Variants in PLCE1 observed in about 807,000 individuals in gnomAD.
PLCE1 encodes the protein phospholipase C epsilon 1, also known as 1-phosphatidylinositol 4,5-bisphosphate phosphodiesterase epsilon-1.
In PLCE1, 119 loss-of-function variants were observed where a neutral mutation model predicts 242.8. The observed-to-expected ratio is 0.49, with a 90% CI of 0.42 to 0.57. The LOEUF is 0.57. Ranked by LOEUF, PLCE1 falls within the 20% of genes least tolerant of loss-of-function variation. The pLI is 0.00. For synonymous variants in PLCE1, 945 were observed against 1,017.4 expected (o/e 0.93, Z 1.35); for missense variants, 2,441 against 2,788.8 (o/e 0.88, Z 2.81).
At chr10:94,168,010 T>C (rs2047861859) in intron 3 of PLCE1, among the ~76,000 whole-genome samples, 1 of 152,054 alleles carries the variant, frequency 6.6e-6, no homozygotes, top group Non-Finnish European at 1.5e-5. Context: ...AACTGAAGAA[T>C]ATGGGACTGA....
At chr10:94,180,927 A>C (rs953900318) in intron 4 of PLCE1, among the ~76,000 whole-genome samples, 1 of 152,214 alleles carries the variant, frequency 6.6e-6, no homozygotes, top group Non-Finnish European at 1.5e-5. Flanking sequence ...TGAGAAAATA[A>C]ATTTCCACTC....
At position 94,246,071 on chromosome 10, in the gene PLCE1, AC is replaced by A. The variant is rs2050668461; in HGVS notation, c.2547del (p.Tyr849Ter). On this transcript the variant is annotated frameshift_variant, in exon 8 of 33. Coordinates refer to ENST00000371380, the MANE Select transcript of PLCE1 (RefSeq NM_016341.4). LOFTEE classifies it high-confidence loss of function. ...FDHGTELIPW[Y>X]VLSIQADVHQ... ...CATGGGACGGAGCTCATCCCTTGGT[AC>A]GTGCTGTCCATCCAAGCCGATGTGC... 6.2e-7 allele frequency: 1 copy of A among 1,613,998 alleles called. No individual in the cohort carries two copies. Among genetic ancestry groups the A allele is most frequent in the African/African-American group, 1.3e-5 (1 of 74,926 alleles).
intron 2 of PLCE1, among the ~76,000 whole-genome samples, chr10:94,074,186 TC>T (rs1419022849): frequency 6.7e-6 from 1 of 149,510 alleles, no homozygotes; most frequent in East Asian, 1.9e-4. Flanking sequence ...ACCAAGCAGT[TC>T]TTTTTTTTTT....
chr10:94,058,966 G>A (rs2043976597), intron 2 of PLCE1, among the ~76,000 whole-genome samples: 1 of 152,124 alleles, frequency 6.6e-6, no homozygotes, highest in South Asian at 2.1e-4. Context: ...TAGTCACATA[G>A]CGTAAACACA....
At chr10:94,098,958 C>T (rs891595562) in intron 2 of PLCE1, among the ~76,000 whole-genome samples, 23 of 152,138 alleles carry the variant, frequency 1.5e-4, no homozygotes, top group Admixed American at 1.2e-3. Context: ...GAGCACAGCA[C>T]GTGTGAGGCT....
At chr10:94,199,155 A>T (rs2048915538) in intron 4 of PLCE1, among the ~76,000 whole-genome samples, 1 of 152,238 alleles carries the variant, frequency 6.6e-6, no homozygotes, top group Admixed American at 6.5e-5. Flanking sequence ...TTATCCATTT[A>T]CCAGTTGAAG....
intron 4 of PLCE1, among the ~76,000 whole-genome samples, chr10:94,176,470 T>A (rs185957585): frequency 2.0e-4 from 30 of 152,282 alleles, no homozygotes; most frequent in African/African-American, 6.0e-4. Context: ...GTCAAACATA[T>A]TTTTTAAAAA....
rs764545119 is a variant in PLCE1 at position 94,268,944 on chromosome 10, T to C, written c.4297T>C (p.Cys1433Arg). ...GATCACACAGGTCCTTTTGCAAGGCTGTCGAAGTGTAGAATTGGACTGCTG... is the reference window on the plus strand; with the variant it reads ...GATCACACAGGTCCTTTTGCAAGGCCGTCGAAGTGTAGAATTGGACTGCTG... ...ELYSQVLLQGCRSVELDCWDG... is the reference protein window; with the variant it reads ...ELYSQVLLQGRRSVELDCWDG... The change falls in exon 17 of 33, where the codon TGT becomes CGT. Residue 1433 changes from cysteine (C) to arginine (R), a missense_variant. Physicochemically the swap from Cys to Arg is radical, Grantham distance 180 (BLOSUM62 -3). Coordinates refer to ENST00000371380, the MANE Select transcript of PLCE1 (RefSeq NM_016341.4). The C allele has an allele frequency of 6.2e-7, 1 of 1,610,690 alleles. No homozygotes were observed. The highest frequency in any genetic ancestry group is 8.5e-7 in the Non-Finnish European group (1 of 1,177,014).
At chr10:94,068,520 T>C (rs1426918004) in intron 2 of PLCE1, among the ~76,000 whole-genome samples, 1 of 152,320 alleles carries the variant, frequency 6.6e-6, no homozygotes, top group East Asian at 1.9e-4. Flanking sequence ...TGTGTGGATT[T>C]TTGCAAATAG....
intron 4 of PLCE1, among the ~76,000 whole-genome samples, chr10:94,181,205 A>G (rs2048299198): frequency 6.6e-6 from 1 of 152,228 alleles, no homozygotes; most frequent in African/African-American, 2.4e-5. Flanking sequence ...TAAAATGTGC[A>G]CGTATCCGTA....
At chr10:94,319,306 AAAT>A (rs1189940850) in intron 29 of PLCE1, among the ~76,000 whole-genome samples, 3 of 152,210 alleles carry the variant, frequency 2.0e-5, no homozygotes, top group African/African-American at 7.2e-5. Flanking sequence ...AGTGATACCC[AAAT>A]AATAATTGCT....
chr10:94,264,191 C>G (rs1270986532), intron 14 of PLCE1, among the ~76,000 whole-genome samples: 2 of 152,066 alleles, frequency 1.3e-5, no homozygotes, highest in Non-Finnish European at 2.9e-5. Flanking sequence ...GGAGAGTAAG[C>G]AAAGGCCACT....
intron 5 of PLCE1, among the ~76,000 whole-genome samples, chr10:94,233,288 A>G (rs1203279948): frequency 6.6e-6 from 1 of 152,262 alleles, no homozygotes; most frequent in Non-Finnish European, 1.5e-5. Context: ...AGCTTGATTC[A>G]GTAAAAATCA....
At chr10:94,269,308 G>A (rs925168597) in intron 17 of PLCE1, among the ~76,000 whole-genome samples, 3 of 151,642 alleles carry the variant, frequency 2.0e-5, no homozygotes, top group Non-Finnish European at 2.9e-5. Flanking sequence ...CACCACGTTG[G>A]CCAGGCTGGT....
chr10:94,079,301 G>A (rs1262049992), intron 2 of PLCE1, among the ~76,000 whole-genome samples: 1 of 152,126 alleles, frequency 6.6e-6, no homozygotes, highest in Non-Finnish European at 1.5e-5. Context: ...TATTTGAAAT[G>A]AGAAAACATT....
At chr10:94,014,042 G>A (rs971758560) in intron 1 of PLCE1, among the ~76,000 whole-genome samples, 2 of 152,094 alleles carry the variant, frequency 1.3e-5, no homozygotes, top group Non-Finnish European at 2.9e-5. Flanking sequence ...TTGGGAACTC[G>A]TACAAGCACA....
Position 94,246,299 on chromosome 10 carries a change from A to G in PLCE1, c.2774A>G (p.Asn925Ser). 1 of 1,614,198 alleles carries G rather than the reference A, an allele frequency of 6.2e-7. No homozygotes were observed. The highest frequency in any genetic ancestry group is 8.5e-7 in the Non-Finnish European group (1 of 1,180,014). Residue 925 changes from asparagine (N) to serine (S), a missense_variant, in exon 8 of 33, where the codon AAT becomes AGT. Transcript: ENST00000371380. ...AEPGKFPLLG[N>S]AGLSSLTEGV... ...CCTGGAAAATTCCCACTACTGGGTA[A>G]TGCTGGATTAAGTAGCCTGACGGAA...
intron 4 of PLCE1, among the ~76,000 whole-genome samples, chr10:94,219,513 T>C (rs1051590049): frequency 4.6e-5 from 7 of 152,208 alleles, no homozygotes; most frequent in African/African-American, 1.7e-4. Flanking sequence ...TCTCTTTTCC[T>C]GATAGCTTCA....
intron 23 of PLCE1, among the ~76,000 whole-genome samples, chr10:94,297,579 C>T (rs1264651293): frequency 2.0e-5 from 2 of 97,930 alleles, no homozygotes; most frequent in Admixed American, 1.2e-4. Context: ...CTGCCCCAAA[C>T]TTTAAATTTG....
Sources: allele counts gnomAD v4.1 joint callset (sites outside exome capture counted in the v4.1 genomes callset), GRCh38; gene constraint gnomAD v4.1.1; transcripts MANE v1.5; gene names NCBI Gene and HGNC (gene_info 2026-07-23, HGNC 2026-07-21).